The following PDE10A variants were observed in gnomAD, a reference collection of about 807,000 sequenced individuals.
PDE10A encodes the protein cAMP and cAMP-inhibited cGMP 3',5'-cyclic phosphodiesterase 10A.
Under a neutral mutation model 97.7 loss-of-function variants are expected in PDE10A, and 39 were observed. The observed-to-expected ratio is 0.40, with a 90% CI of 0.31 to 0.52. PDE10A has a LOEUF of 0.52. Among genes scored for constraint, PDE10A ranks in the 20% least tolerant of loss-of-function variants. The probability of loss-of-function intolerance (pLI) is 0.56; values close to 1 mark genes in which losing one functional copy is unlikely to be tolerated. For missense variants in PDE10A, 731 were observed against 1,047.8 expected, an observed-to-expected ratio of 0.70 and a Z score of 4.17; for synonymous variants, 371 against 376.8, an observed-to-expected ratio of 0.98 and a Z score of 0.18.
intron 1 of PDE10A, among the ~76,000 whole-genome samples, chr6:165,728,412 A>G (rs779377328): frequency 2.6e-5 from 4 of 152,216 alleles, no homozygotes; most frequent in Non-Finnish European, 4.4e-5. Context: ...CACTGATCCA[A>G]TTCAAAGACT....
chr6:165,889,987 C>CCTCACTCCTCCCTCA (rs1781743558), intron 1 of PDE10A, among the ~76,000 whole-genome samples: 1 of 120,850 alleles, frequency 8.3e-6, no homozygotes, highest in East Asian at 3.3e-4. Flanking sequence ...ATCCCTCACT[C>CCTCACTCCTCCCTCA]CTCACTCCTC....
At chr6:165,452,945 A>C (rs1777724692) in intron 3 of PDE10A, among the ~76,000 whole-genome samples, 1 of 151,832 alleles carries the variant, frequency 6.6e-6, no homozygotes. Context: ...CTTTCTTAGG[A>C]ATTACTTAAG....
chr6:165,585,083 T>C (rs373195732), intron 1 of PDE10A, among the ~76,000 whole-genome samples: 48 of 152,320 alleles, frequency 3.2e-4, no homozygotes, highest in African/African-American at 9.9e-4. Flanking sequence ...ATGAATAACA[T>C]TGAACTTTAC....
At chr6:165,611,147 T>C (rs1020479382) in intron 1 of PDE10A, among the ~76,000 whole-genome samples, 3 of 151,980 alleles carry the variant, frequency 2.0e-5, no homozygotes, top group Non-Finnish European at 4.4e-5. Flanking sequence ...CAATTCATAC[T>C]AACAAGCAAA....
In PDE10A at chr6:165,633,079, CAA is replaced by C. The variant is rs5881651; in HGVS notation, c.865+28866_865+28867del. 8.4e-4 allele frequency among the ~76,000 whole-genome samples: 115 copies of C among 137,090 alleles called. 1 individual carries two copies. The highest frequency in any genetic ancestry group is 2.0e-3 in the African/African-American group (76 of 38,056). 89.9% of individuals were successfully genotyped at this position (137,090 alleles called of 152,430 possible). A position where few individuals can be genotyped will look rare whatever the true frequency, so the allele number is the denominator to read the frequency against. On this transcript the variant is annotated intron_variant, in intron 1 of 21. Coordinates refer to ENST00000539869, the MANE Select transcript of PDE10A (RefSeq NM_001385079.1). ...TGAGAAGAAAGAAAAGTCACCGTGTCAAAAAAAAAAAAGAAAAGAAAAAAGAA... is the reference window on the plus strand; with the variant it reads ...TGAGAAGAAAGAAAAGTCACCGTGTCAAAAAAAAAAGAAAAGAAAAAAGAA...
At chr6:165,367,572 C>G (rs1783871950) in intron 18 of PDE10A, among the ~76,000 whole-genome samples, 1 of 151,310 alleles carries the variant, frequency 6.6e-6, no homozygotes, top group Non-Finnish European at 1.5e-5. Flanking sequence ...CAGAAGACAC[C>G]AAGAAGAATG....
At chr6:165,631,616 A>T (rs916748873) in intron 1 of PDE10A, among the ~76,000 whole-genome samples, 3 of 152,338 alleles carry the variant, frequency 2.0e-5, no homozygotes, top group African/African-American at 7.2e-5. Flanking sequence ...AAAGAGTTTC[A>T]ACATTTTTAT....
chr6:165,373,060 C>T (rs1319940921), intron 18 of PDE10A, among the ~76,000 whole-genome samples: 1 of 148,910 alleles, frequency 6.7e-6, no homozygotes, highest in Non-Finnish European at 1.5e-5. Flanking sequence ...CTTCCTTACA[C>T]CTTATATAAA....
At chr6:165,573,631 G>A (rs764797315) in intron 1 of PDE10A, among the ~76,000 whole-genome samples, 4 of 152,084 alleles carry the variant, frequency 2.6e-5, no homozygotes, top group East Asian at 1.9e-4. Context: ...AAGTGGCAAC[G>A]AACTGATCAT....
intron 21 of PDE10A, among the ~76,000 whole-genome samples, chr6:165,335,765 C>T (rs1054908745): frequency 2.0e-5 from 3 of 152,006 alleles, no homozygotes; most frequent in African/African-American, 4.8e-5. Flanking sequence ...CATAAGAAAG[C>T]GAGAAGGGTC....
chr6:165,899,976 G>A (rs1240832398), intron 1 of PDE10A, among the ~76,000 whole-genome samples: 2 of 152,206 alleles, frequency 1.3e-5, no homozygotes, highest in African/African-American at 2.4e-5. Context: ...GGGCTGATTG[G>A]CCAGGGCTAT....
intron 2 of PDE10A, among the ~76,000 whole-genome samples, chr6:165,513,428 CAT>C (rs1283639892): frequency 6.6e-6 from 1 of 152,074 alleles, no homozygotes; most frequent in Non-Finnish European, 1.5e-5. Flanking sequence ...AATAAACTAA[CAT>C]ACAGTGTTTG....
At chr6:165,419,968 CAT>C (rs779236994) in intron 10 of PDE10A, among the ~76,000 whole-genome samples, 13 of 152,306 alleles carry the variant, frequency 8.5e-5, no homozygotes, top group South Asian at 2.1e-4. Context: ...TACACTATTA[CAT>C]GTTTGTACTC....
intron 1 of PDE10A, among the ~76,000 whole-genome samples, chr6:165,691,101 CTCTCT>C (rs1157975539): frequency 3.2e-4 from 14 of 44,330 alleles, no homozygotes; most frequent in African/African-American, 1.0e-3. Context: ...CTCTCTCTTT[CTCTCT>C]CCCCCCCCCC....
At chr6:165,577,340 G>A (rs1218367601) in intron 1 of PDE10A, among the ~76,000 whole-genome samples, 1 of 152,156 alleles carries the variant, frequency 6.6e-6, no homozygotes, top group African/African-American at 2.4e-5. Flanking sequence ...GACGTGGAGT[G>A]ATCCTTGGGC....
chr6:165,503,991 C>CT (rs34219784), intron 2 of PDE10A, among the ~76,000 whole-genome samples: 1 of 152,044 alleles, frequency 6.6e-6, no homozygotes, highest in African/African-American at 2.4e-5. Flanking sequence ...TCATAAAATT[C>CT]TTTTTTTAGC....
intron 2 of PDE10A, among the ~76,000 whole-genome samples, chr6:165,498,462 A>AAAAAAAAAAAAAAAAAAAC (rs1780675882): frequency 7.2e-6 from 1 of 139,438 alleles, no homozygotes; most frequent in African/African-American, 2.7e-5. Flanking sequence ...AAAAAAAAAA[A>AAAAAAAAAAAAAAAAAAAC]AAAATCAGTA....
At chr6:165,484,401 C>A (rs1452375906) in intron 2 of PDE10A, among the ~76,000 whole-genome samples, 1 of 152,228 alleles carries the variant, frequency 6.6e-6, no homozygotes, top group East Asian at 1.9e-4. Flanking sequence ...TCTGTCACTG[C>A]GTTACTGCCT....
chr6:165,966,090 T>C (rs1371887655), intron 1 of PDE10A, among the ~76,000 whole-genome samples: 1 of 152,248 alleles, frequency 6.6e-6, no homozygotes, highest in Non-Finnish European at 1.5e-5. Context: ...GGACTTCATA[T>C]TCCAAGTAAT....
Sources: allele counts gnomAD v4.1 joint callset (sites outside exome capture counted in the v4.1 genomes callset), GRCh38; gene constraint gnomAD v4.1.1; transcripts MANE v1.5; gene names NCBI Gene and HGNC (gene_info 2026-07-23, HGNC 2026-07-21).